The following ABCC12 variants were observed in gnomAD, a reference collection of about 807,000 sequenced individuals.
ABCC12 encodes ATP-binding cassette sub-family C member 12.
Under a neutral mutation model 151.1 loss-of-function variants are expected in ABCC12, and 142 were observed. The observed-to-expected ratio is 0.94, with a 90% confidence interval of 0.82 to 1.08. The LOEUF is 1.08. ABCC12 is among the 50% of genes least tolerant of loss of function. ABCC12 has a pLI of 0.00. For missense variants in ABCC12, 1,638 were observed against 1,691.1 expected, an observed-to-expected ratio of 0.97 and a Z score of 0.55; for synonymous variants, 645 against 646.4, an observed-to-expected ratio of 1.00 and a Z score of 0.03.
chr16:48,122,005 A>T (rs1385264648), intron 12 of ABCC12, among the ~76,000 whole-genome samples, 165 bp from the exon 13 acceptor site: 16 of 152,268 alleles, frequency 1.1e-4, no homozygotes, highest in Admixed American at 1.0e-3. Flanking sequence ...AACCATGCAG[A>T]TGCAGAATCT....
intron 21 of ABCC12, among the ~76,000 whole-genome samples, chr16:48,104,812 G>A (rs1380125404): frequency 1.3e-5 from 2 of 152,238 alleles, no homozygotes; most frequent in African/African-American, 2.4e-5. Flanking sequence ...TGCAGAGGGG[G>A]CTGGAAGGAT....
At chr16:48,121,889 T>C (rs1358006500) in intron 12 of ABCC12, 49 bp from the exon 13 acceptor site, 3 of 1,610,138 alleles carry the variant, frequency 1.9e-6, no homozygotes, top group Non-Finnish European at 2.5e-6. Context: ...CTTGAGAACT[T>C]TTCCTCAAAT....
chr16:48,083,745 C>T lies in ABCC12; in HGVS notation c.4050G>A (p.Ala1350=), dbSNP rs761524398. ...VLAEKPDSAF[A]MLLAAEVRL ...ATCTGACTTCTGCTGCTAGTAACAT[C>T]GCAAATGCAGAATCTGGCTTCTCTG... The change falls in exon 31 of 31, where the codon GCG becomes GCA. Residue 1350 remains alanine (A), a synonymous_variant. Coordinates refer to ENST00000311303, the MANE Select transcript of ABCC12 (RefSeq NM_001393797.1). The T allele has an allele frequency of 8.1e-6, 13 of 1,614,184 alleles. No individual in the cohort carries two copies. Among genetic ancestry groups the T allele is most frequent in the East Asian group, 2.2e-5 (1 of 44,888 alleles).
intron 2 of ABCC12, among the ~76,000 whole-genome samples, chr16:48,148,784 C>T (rs1596633509): frequency 2.0e-5 from 3 of 151,342 alleles, no homozygotes; most frequent in South Asian, 2.1e-4. Context: ...CAACCTGGAA[C>T]CATCTAGTAT....
At position 48,088,539 on chromosome 16, in the gene ABCC12, C is replaced by T; in HGVS notation, c.3475+6G>A. 2 of 1,612,660 alleles carry T rather than the reference C, an allele frequency of 1.2e-6. No individual in the cohort carries two copies. Among genetic ancestry groups the T allele is most frequent in the East Asian group, 2.2e-5 (1 of 44,850 alleles). On this transcript the variant is annotated splice_donor_region_variant and intron_variant, in intron 26 of 30. Transcript: ENST00000311303. ...CAAAAGAAACAAAAGCAGAGCTTGT[C>T]CTCACCGGAACCTGTTCTTCCAACA...
chr16:48,131,418 G>T (rs1261607728), intron 9 of ABCC12, among the ~76,000 whole-genome samples: 1 of 152,176 alleles, frequency 6.6e-6, no homozygotes, highest in Non-Finnish European at 1.5e-5. Context: ...CCTGCTCCCA[G>T]GACCTGGCCT....
chr16:48,130,762 C>T, intron 10 of ABCC12, 26 bp downstream of exon 10: 1 of 1,540,820 alleles, frequency 6.5e-7, no homozygotes, highest in South Asian at 1.1e-5. Flanking sequence ...GATCTCTCTT[C>T]CCTACTCACC....
At chr16:48,124,464 G>A (rs905461565) in intron 11 of ABCC12, among the ~76,000 whole-genome samples, 180 bp from the exon 12 acceptor site, 1 of 152,240 alleles carries the variant, frequency 6.6e-6, no homozygotes, top group African/African-American at 2.4e-5. Context: ...AGCCTGGGAG[G>A]ATGCAGGAAT....
At chr16:48,089,956 CAAG>C (rs58202263) in intron 25 of ABCC12, among the ~76,000 whole-genome samples, 3,808 of 152,180 alleles carry the variant, frequency 0.025, 153 homozygotes, top group African/African-American at 0.087. Flanking sequence ...TGTACAAACT[CAAG>C]AAGGTTTGTT....
In ABCC12 at chr16:48,107,437, G is replaced by A. The variant is rs1963534126; in HGVS notation, c.2372-12C>T. On this transcript the variant is annotated splice_polypyrimidine_tract_variant and intron_variant, in intron 19 of 30. Coordinates refer to ENST00000311303, the MANE Select transcript of ABCC12 (RefSeq NM_001393797.1). ...AGAAAGGAGGTACCCTGCAAGAGGA[G>A]CGGAGAGGCCCAAGGGGCTGCAGAC... is the stretch of plus-strand genomic sequence containing the variant. 6.2e-7 allele frequency: 1 copy of A among 1,612,252 alleles called. No individual in the cohort carries two copies. Among genetic ancestry groups the A allele is most frequent in the African/African-American group, 1.3e-5 (1 of 75,010 alleles).
Position 48,096,688 on chromosome 16 carries a change from G to A in ABCC12, c.3195+58C>T, listed in dbSNP as rs571436457. The A allele has an allele frequency of 7.6e-5, 120 of 1,571,380 alleles. No individual in the cohort carries two copies. In the East Asian group the frequency reaches 1.1e-3, roughly 14 times the overall value. ...GTTGTGTCCATCCAAAAGCACCCTC[G>A]CTGATGTATTACAGGCCGGAGCCTC... On this transcript the variant is annotated intron_variant, in intron 24 of 30. Transcript: ENST00000311303.
intron 24 of ABCC12, among the ~76,000 whole-genome samples, chr16:48,094,929 T>C (rs1021389481): frequency 5.9e-5 from 9 of 151,970 alleles, no homozygotes; most frequent in Non-Finnish European, 8.8e-5. Context: ...TAAATACTAA[T>C]GGGTCAGGAG....
rs1180625710 is a variant in ABCC12, at chr16:48,082,798, G to A, written c.*917C>T. On this transcript the variant is annotated 3_prime_UTR_variant, in exon 31 of 31. Coordinates refer to ENST00000311303, the MANE Select transcript of ABCC12 (RefSeq NM_001393797.1). ...CTTGGCGGCTACTACACAAGAGCTT[G>A]CTGGATTTTCTATAAATATTTTTTT... 1.3e-5 allele frequency among the ~76,000 whole-genome samples: 2 copies of A among 152,222 alleles called. No individual in the cohort carries two copies. The highest frequency in any genetic ancestry group is 2.9e-5 in the Non-Finnish European group (2 of 68,042).
At position 48,139,171 on chromosome 16, in the gene ABCC12, G is replaced by T. The variant is rs769351810; in HGVS notation, c.823C>A (p.Pro275Thr). 6.3e-7 allele frequency: 1 copy of T among 1,596,612 alleles called. No individual in the cohort carries two copies. Among genetic ancestry groups the T allele is most frequent in the Non-Finnish European group, 8.5e-7 (1 of 1,174,738 alleles). Residue 275 changes from proline to threonine, a missense_variant, in exon 7 of 31, where the codon CCC becomes ACC. Coordinates refer to ENST00000311303, the MANE Select transcript of ABCC12 (RefSeq NM_001393797.1). ...CAAAAGCCTGCCGTTACCTGGACGG[G>T]TATGAATATGACATACACTGATATC... ...IGISVYVIFI[P>T]VQMFMAKLNS... is the part of the protein sequence containing the mutation.
At chr16:48,095,828 A>T (rs1963075426) in intron 24 of ABCC12, among the ~76,000 whole-genome samples, 1 of 152,254 alleles carries the variant, frequency 6.6e-6, no homozygotes. Flanking sequence ...AACAGAACAC[A>T]TGAATAAAGA....
intron 4 of ABCC12, among the ~76,000 whole-genome samples, chr16:48,141,637 A>G (rs903460086): frequency 6.6e-6 from 1 of 152,190 alleles, no homozygotes; most frequent in Admixed American, 6.5e-5. Context: ...GTCAGCTCTT[A>G]TAAGAAGGCA....
At chr16:48,084,779 C>T (rs1395417328) in intron 29 of ABCC12, among the ~76,000 whole-genome samples, 2 of 152,184 alleles carry the variant, frequency 1.3e-5, no homozygotes, top group African/African-American at 4.8e-5. Flanking sequence ...CTCGGAGGAA[C>T]ATGTTCGCAG....
chr16:48,086,665 A>T (rs1273138713), intron 28 of ABCC12, 76 bp downstream of exon 28: 1 of 1,361,666 alleles, frequency 7.3e-7, no homozygotes. Flanking sequence ...GTGCTTGTCA[A>T]ATTTAAACAT....
intron 14 of ABCC12, among the ~76,000 whole-genome samples, chr16:48,116,962 C>T (rs1389008214): frequency 2.0e-5 from 3 of 152,216 alleles, no homozygotes. Context: ...AGAGCCAGCC[C>T]TTGGGATGAG....
Sources: gnomAD v4.1 joint callset for allele counts (sites outside exome capture counted in the v4.1 genomes callset) on GRCh38, gnomAD v4.1.1 for gene constraint, MANE v1.5 for transcripts, NCBI Gene and HGNC (gene_info 2026-07-23, HGNC 2026-07-21) for gene names.